VWA3A: variants seen among roughly 807,000 people sequenced by gnomAD.
VWA3A encodes von Willebrand factor A domain containing 3A, also known as von Willebrand factor A domain-containing protein 3A.
Under a neutral mutation model 160.4 loss-of-function variants are expected in VWA3A, and 134 were observed. The ratio of observed to expected loss-of-function variants is 0.84; its 90% CI spans 0.73 to 0.96. The LOEUF is 0.96. Among genes scored for constraint, VWA3A ranks in the 40% least tolerant of loss-of-function variants. The probability of loss-of-function intolerance (pLI) is 0.00; values close to 1 mark genes in which losing one functional copy is unlikely to be tolerated. For missense variants in VWA3A, 1,310 were observed against 1,447.9 expected (o/e 0.90, Z 1.55); for synonymous variants, 476 against 543.4 (o/e 0.88, Z 1.72).
At chr16:22,112,315 T>A (rs1240505732) in intron 8 of VWA3A, among the ~76,000 whole-genome samples, 1 of 152,216 alleles carries the variant, frequency 6.6e-6, no homozygotes, top group Non-Finnish European at 1.5e-5. Flanking sequence ...AATAGCCACC[T>A]CATGGAATAG....
In VWA3A at chr16:22,131,711, C is replaced by G. The variant is rs770799339; in HGVS notation, c.1854C>G (p.Gly618=). The change falls in exon 19 of 34, where the codon GGC becomes GGG. Residue 618 remains glycine, a synonymous_variant. Transcript: ENST00000389398. ...AGGGAATCTACCTCTTCACTGGGGG[C>G]ATCCCCGACCAGGACATGGTGGGTA... is the stretch of plus-strand genomic sequence containing the variant. ...QSQGIYLFTG[G]IPDQDMPTLS... The G allele has an allele frequency of 1.1e-5, 18 of 1,613,508 alleles. No homozygotes were observed. The African/African-American group carries it at 1.9e-4, about 17-fold the overall frequency.
chr16:22,140,006 A>G, intron 22 of VWA3A, 148 bp from the exon 23 acceptor site: 1 of 661,234 alleles, frequency 1.5e-6, no homozygotes, highest in Middle Eastern at 2.9e-4. Context: ...AATCTGCTGC[A>G]GGAGAGGGGC....
chr16:22,146,085 G>A (rs1420432973), intron 26 of VWA3A, 151 bp from the exon 27 acceptor site: 4 of 595,072 alleles, frequency 6.7e-6, no homozygotes, highest in Admixed American at 2.7e-5. Context: ...GCCTCCCAAA[G>A]CGCTGGGATT....
At chr16:22,153,276 C>G (rs953821195) in intron 31 of VWA3A, among the ~76,000 whole-genome samples, 1 of 152,130 alleles carries the variant, frequency 6.6e-6, no homozygotes, top group African/African-American at 2.4e-5. Flanking sequence ...CTGGGAGACC[C>G]AGGTTGCAGT....
rs77630805 is a variant in VWA3A, at chr16:22,144,145, C to T, written c.2593-102C>T. On this transcript the variant is annotated intron_variant, in intron 25 of 33. Coordinates refer to ENST00000389398, the MANE Select transcript of VWA3A (RefSeq NM_173615.5). The stretch of plus-strand genomic sequence containing the variant: ...GGACCTGGGAATCCCACATTTCAAA[C>T]ATCATACAGGTTTCAAACATGAGGT... 1.5e-3 allele frequency: 2,029 copies of T among 1,372,550 alleles called. 21 individuals are homozygous for T. In the African/African-American group the frequency reaches 0.026, roughly 17 times the overall value. The allele number at this position is 1,372,550 out of a possible 1,614,324, so 85.0% of individuals were successfully genotyped here. A position where few individuals can be genotyped will look rare whatever the true frequency, so the allele number is the denominator to read the frequency against.
At chr16:22,094,239 G>A (rs935532170) in intron 1 of VWA3A, among the ~76,000 whole-genome samples, 6 of 152,020 alleles carry the variant, frequency 3.9e-5, no homozygotes, top group East Asian at 3.9e-4. Flanking sequence ...ACTATGGGGC[G>A]GCCAGTGTTC....
At position 22,147,662 on chromosome 16, in the gene VWA3A, G is replaced by T. The variant is rs1249079942; in HGVS notation, c.2840-500G>T. 4 of 702,732 alleles carry T rather than the reference G, an allele frequency of 5.7e-6. No individual in the cohort carries two copies. In the African/African-American group the frequency reaches 7.0e-5, roughly 12 times the overall value. 43.5% of individuals were successfully genotyped at this position (702,732 alleles called of 1,614,324 possible). A position where few individuals can be genotyped will look rare whatever the true frequency, so the allele number is the denominator to read the frequency against. Reference sequence around the variant, plus strand: ...CTTCAGGTACAGTTGTCAGGTCAGAGGCTGAGCTGGGACAGAGAAGGCGTG... The same window carrying T: ...CTTCAGGTACAGTTGTCAGGTCAGATGCTGAGCTGGGACAGAGAAGGCGTG... On this transcript the variant is annotated intron_variant, in intron 27 of 33. Transcript: ENST00000389398.
At position 22,155,854 on chromosome 16, in the gene VWA3A, C is replaced by A; in HGVS notation, c.3507C>A (p.Ser1169=). ...TTCTTCATCTCCTGCCCACCAGATC[C>A]CAACTCCAGAAGAAAAATGATGCAG... ...SFLWQAQSFR[S]QLQKKNDAEP... Residue 1169 remains serine (S), a synonymous_variant, in exon 33 of 34, where the codon TCC becomes TCA. Coordinates refer to ENST00000389398, the MANE Select transcript of VWA3A (RefSeq NM_173615.5). 6.2e-7 allele frequency: 1 copy of A among 1,613,908 alleles called. No homozygotes were observed. The highest frequency in any genetic ancestry group is 8.5e-7 in the Non-Finnish European group (1 of 1,179,878).
chr16:22,116,868 G>C lies in VWA3A; in HGVS notation c.924+1G>C. 6.2e-7 allele frequency: 1 copy of C among 1,611,542 alleles called. No homozygotes were observed. The highest frequency in any genetic ancestry group is 1.1e-5 in the South Asian group (1 of 91,058). On this transcript the variant is annotated splice_donor_variant, in intron 10 of 33. Transcript: ENST00000389398. LOFTEE classifies it high-confidence loss of function. ...CAGATGCGATGATCAGATGCCCCCTGTGAGTGCCCGAGATTCTCTGAGGTG... is the reference window on the plus strand; with the variant it reads ...CAGATGCGATGATCAGATGCCCCCTCTGAGTGCCCGAGATTCTCTGAGGTG...
rs1298599597 is a variant in VWA3A, at chr16:22,140,145, G to A, written c.2293-9G>A. 1 of 1,612,440 alleles carries A rather than the reference G, an allele frequency of 6.2e-7. No individual in the cohort carries two copies. On this transcript the variant is annotated splice_polypyrimidine_tract_variant and intron_variant, in intron 22 of 33. Coordinates refer to ENST00000389398, the MANE Select transcript of VWA3A (RefSeq NM_173615.5). ...ACTCCTCTGATGGGAAAGATTGCCT[G>A]TTTTCTAGAGCATTAAAGATGACCC...
chr16:22,111,419 A>G (rs1262765636), intron 8 of VWA3A, among the ~76,000 whole-genome samples: 1 of 152,116 alleles, frequency 6.6e-6, no homozygotes, highest in Non-Finnish European at 1.5e-5. Context: ...TCCTGGGCTT[A>G]AGCAATCCTC....
rs375378867 is a variant in VWA3A, at chr16:22,131,242, G to T, written c.1690G>T (p.Val564Phe). 246 of 1,613,890 alleles carry T rather than the reference G, an allele frequency of 1.5e-4. No homozygotes were observed. Among genetic ancestry groups the T allele is most frequent in the Non-Finnish European group, 2.0e-4 (237 of 1,179,908 alleles). The change falls in exon 18 of 34, where the codon GTT becomes TTT. Residue 564 changes from valine (V) to phenylalanine (F), a missense_variant. Transcript: ENST00000389398. ...AATTGAAAGCTGGAGGCCTGAGATG[G>T]TTCCCGTGAGTCACAACAATTTACA... ...STIESWRPEM[V>F]PVSHNNLQSA... is the part of the protein sequence containing the mutation.
In VWA3A at chr16:22,144,298, A is replaced by G. The variant is rs367751470; in HGVS notation, c.2644A>G (p.Met882Val). 2.0e-5 allele frequency: 32 copies of G among 1,613,664 alleles called. No homozygotes were observed. Among genetic ancestry groups the G allele is most frequent in the Non-Finnish European group, 2.3e-5 (27 of 1,179,850 alleles). ...KKLKLEISRCMGPNCTHQKSG... is the reference protein window; with the variant it reads ...KKLKLEISRCVGPNCTHQKSG... ...ATTGAAGCTGGAGATTTCCAGATGC[A>G]TGGGTCCCAACTGCACTCATCAAAA... The change falls in exon 26 of 34, where the codon ATG becomes GTG. Residue 882 changes from methionine (M) to valine (V), a missense_variant. By Grantham distance (21) the Met-to-Val change is conservative. Coordinates refer to ENST00000389398, the MANE Select transcript of VWA3A (RefSeq NM_173615.5).
intron 12 of VWA3A, among the ~76,000 whole-genome samples, chr16:22,119,338 A>G (rs1289291501): frequency 6.6e-6 from 1 of 152,202 alleles, no homozygotes; most frequent in Non-Finnish European, 1.5e-5. Flanking sequence ...AGTTTGGAGA[A>G]TGATGAAAAC....
chr16:22,118,792 A>G lies in VWA3A; in HGVS notation c.991-110A>G, dbSNP rs1282954655. On this transcript the variant is annotated intron_variant, in intron 11 of 33. Coordinates refer to ENST00000389398, the MANE Select transcript of VWA3A (RefSeq NM_173615.5). ...TCCCAGTGTATAAGGCCTGGTGGAG[A>G]GAGTCTGACCCTCTGCCTGGGCATT... The G allele has an allele frequency of 1.7e-5, 24 of 1,437,052 alleles. No homozygotes were observed. In the East Asian group the frequency reaches 5.3e-4, roughly 32 times the overall value. 89.0% of individuals were successfully genotyped at this position (1,437,052 alleles called of 1,614,324 possible).
chr16:22,123,117 G>A lies in VWA3A; in HGVS notation c.1389G>A (p.Gly463=). The change falls in exon 15 of 34, where the codon GGG becomes GGA. Residue 463 remains glycine, a synonymous_variant. Coordinates refer to ENST00000389398, the MANE Select transcript of VWA3A (RefSeq NM_173615.5). ...KAMIQFEWHD[G]TVKNIHVDPP... is the part of the protein sequence containing the mutation. ...TGATACAATTTGAATGGCACGACGG[G>A]ACAGTGAAGAACATTCATGTGGACC... is the stretch of plus-strand genomic sequence containing the variant. The A allele has an allele frequency of 1.2e-6, 2 of 1,606,394 alleles. No homozygotes were observed. The highest frequency in any genetic ancestry group is 8.5e-7 in the Non-Finnish European group (1 of 1,176,360).
chr16:22,141,589 C>G lies in VWA3A; in HGVS notation c.2391C>G (p.Ala797=), dbSNP rs773850701. 3 of 1,610,538 alleles carry G rather than the reference C, an allele frequency of 1.9e-6. No homozygotes were observed. Among genetic ancestry groups the G allele is most frequent in the Non-Finnish European group, 2.5e-6 (3 of 1,178,452 alleles). ...SSRVGISPAA[A]QPTKEGMMEL... ...AAGCCAAATGTTCCTCAGCTGCGGC[C>G]CAGCCAACGAAAGAAGGGATGATGG... is the stretch of plus-strand genomic sequence containing the variant. The change falls in exon 24 of 34, where the codon GCC becomes GCG. Residue 797 remains alanine (A), a synonymous_variant. Coordinates refer to ENST00000389398, the MANE Select transcript of VWA3A (RefSeq NM_173615.5).
At chr16:22,145,365 G>A (rs1382028351) in intron 26 of VWA3A, among the ~76,000 whole-genome samples, 1 of 152,082 alleles carries the variant, frequency 6.6e-6, no homozygotes, top group African/African-American at 2.4e-5. Context: ...TTGGCCAGAC[G>A]CAGTGGCTCA....
chr16:22,129,398 A>AGAAAG (rs1274399954), intron 17 of VWA3A, among the ~76,000 whole-genome samples: 7 of 101,624 alleles, frequency 6.9e-5, no homozygotes, highest in East Asian at 5.6e-4. Context: ...CAAAAAAAAA[A>AGAAAG]AAAAAAAGAA....
Sources: gnomAD v4.1 joint callset for allele counts (sites outside exome capture counted in the v4.1 genomes callset) on GRCh38, gnomAD v4.1.1 for gene constraint, MANE v1.5 for transcripts, NCBI Gene and HGNC (gene_info 2026-07-23, HGNC 2026-07-21) for gene names.